NCAPG: variants seen among roughly 807,000 people sequenced by gnomAD.
The protein encoded by NCAPG is condensin complex subunit 3.
A neutral mutation model predicts 113.1 loss-of-function variants in NCAPG; 69 were observed. The observed-to-expected ratio is 0.61, with a 90% CI of 0.50 to 0.75. The LOEUF is 0.75. NCAPG is among the 30% of genes least tolerant of loss of function. The pLI is 0.00. For synonymous variants in NCAPG, 370 were observed against 415.8 expected, an observed-to-expected ratio of 0.89 and a Z score of 1.34; for missense variants, 1,058 against 1,177.0, an observed-to-expected ratio of 0.90 and a Z score of 1.48.
Position 17,837,336 on chromosome 4 carries a change from A to C in NCAPG, c.2287A>C (p.Ser763Arg). Residue 763 changes from serine to arginine, a missense_variant, in exon 15 of 21, where the codon AGC becomes CGC. By Grantham distance (110) the Ser-to-Arg change is moderately radical. Transcript: ENST00000251496. Reference protein sequence around the residue: ...GVFFPVFAYASRTNQECFEEA... With the variant: ...GVFFPVFAYARRTNQECFEEA... ...GTTCTTCCCCGTGTTTGCTTATGCA[A>C]GCAGGTATTGAGTCATACTGATAAA... 1 of 1,612,898 alleles carries C rather than the reference A, an allele frequency of 6.2e-7. No homozygotes were observed. The highest frequency in any genetic ancestry group is 1.1e-5 in the South Asian group (1 of 90,862).
intron 16 of NCAPG, 120 bp downstream of exon 16, chr4:17,837,921 C>T (rs1560232535): frequency 8.1e-6 from 8 of 988,226 alleles, no homozygotes; most frequent in Non-Finnish European, 1.2e-5. Context: ...CAAGCATATA[C>T]CACAAAGCAC....
At chr4:17,814,184 C>T (rs77785367) in intron 3 of NCAPG, among the ~76,000 whole-genome samples, 1,814 of 152,252 alleles carry the variant, frequency 0.012, 100 homozygotes, top group Admixed American at 0.093. Flanking sequence ...TAAGCTTTCT[C>T]TTAAATATTG....
At chr4:17,816,754 T>C (rs1721227699) in intron 5 of NCAPG, among the ~76,000 whole-genome samples, 1 of 152,246 alleles carries the variant, frequency 6.6e-6, no homozygotes. Context: ...CTGTGGTATT[T>C]GGTGCTGAAC....
intron 9 of NCAPG, among the ~76,000 whole-genome samples, chr4:17,824,554 G>T (rs1721582987): frequency 6.6e-6 from 1 of 152,036 alleles, no homozygotes; most frequent in African/African-American, 2.4e-5. Flanking sequence ...TATTATTTAT[G>T]CATTGTCTAC....
intron 11 of NCAPG, among the ~76,000 whole-genome samples, chr4:17,826,903 G>C (rs916848085): frequency 3.9e-5 from 6 of 152,182 alleles, no homozygotes; most frequent in Admixed American, 2.6e-4. Context: ...TCACAAATGT[G>C]AATTCATTCT....
intron 16 of NCAPG, 23 bp downstream of exon 16, chr4:17,837,824 T>C (rs780869973): frequency 2.5e-6 from 4 of 1,612,136 alleles, no homozygotes; most frequent in Non-Finnish European, 2.5e-6. Flanking sequence ...GGTAACTGCA[T>C]GCAGATCACT....
chr4:17,835,797 G>C (rs138738826), intron 14 of NCAPG, among the ~76,000 whole-genome samples: 3 of 152,246 alleles, frequency 2.0e-5, no homozygotes, highest in African/African-American at 7.2e-5. Context: ...TCTTGTATCA[G>C]TACTCCGTTC....
intron 14 of NCAPG, 35 bp from the exon 15 acceptor site, chr4:17,837,124 A>G (rs1219281528): frequency 1.9e-6 from 3 of 1,595,972 alleles, no homozygotes; most frequent in East Asian, 4.5e-5. Flanking sequence ...AGGAGATACA[A>G]ATAAATTTCT....
Position 17,840,080 on chromosome 4 carries a change from G to C in NCAPG, c.2638G>C (p.Asp880His). 6.3e-7 allele frequency: 1 copy of C among 1,599,756 alleles called. No homozygotes were observed. The highest frequency in any genetic ancestry group is 1.8e-5 in the Admixed American group (1 of 56,210). Residue 880 changes from aspartate (D) to histidine (H), a missense_variant, in exon 18 of 21, where the codon GAT becomes CAT. Asp to His is a moderately conservative substitution (Grantham distance 81). Transcript: ENST00000251496. ...LLNEILEQVK[D>H]RTCLRALEKI... ...ATGTTTTCTTTTATAGCAAGTAAAA[G>C]ATAGGACATGTCTGAGAGCTTTGGA...
chr4:17,827,186 G>T (rs750542883), intron 11 of NCAPG, among the ~76,000 whole-genome samples: 1 of 152,230 alleles, frequency 6.6e-6, no homozygotes, highest in African/African-American at 2.4e-5. Context: ...TGTGACTAGA[G>T]AATTGATGGG....
chr4:17,834,756 G>A (rs1043330372), intron 14 of NCAPG, among the ~76,000 whole-genome samples: 2 of 151,856 alleles, frequency 1.3e-5, no homozygotes, highest in African/African-American at 4.8e-5. Flanking sequence ...CCCCTGATAG[G>A]TCCCAGTGTG....
chr4:17,835,937 ATG>A (rs1256562931), intron 14 of NCAPG, among the ~76,000 whole-genome samples: 3 of 152,152 alleles, frequency 2.0e-5, no homozygotes, highest in Admixed American at 6.5e-5. Flanking sequence ...TGAACATGGC[ATG>A]TATATGTATT....
intron 20 of NCAPG, 62 bp downstream of exon 20, chr4:17,842,441 A>G (rs1722503557): frequency 7.4e-7 from 1 of 1,353,536 alleles, no homozygotes; most frequent in Non-Finnish European, 1.1e-6. Flanking sequence ...CTACAAGTAG[A>G]AAAAAACTAA....
intron 7 of NCAPG, among the ~76,000 whole-genome samples, chr4:17,819,623 A>G (rs1721367958): frequency 6.6e-6 from 1 of 152,166 alleles, no homozygotes; most frequent in African/African-American, 2.4e-5. Context: ...GATGGTCTCA[A>G]TCTCTTGACC....
chr4:17,842,627 T>C (rs16895873), intron 20 of NCAPG: 46,789 of 374,408 alleles, frequency 0.12, 3,387 homozygotes, highest in South Asian at 0.22. Flanking sequence ...GTTTCAATTT[T>C]TAATTACATG....
At position 17,818,015 on chromosome 4, in the gene NCAPG, A is replaced by G. The variant is rs1175054727; in HGVS notation, c.1045A>G (p.Lys349Glu). 3 of 1,613,620 alleles carry G rather than the reference A, an allele frequency of 1.9e-6. No individual in the cohort carries two copies. Among genetic ancestry groups the G allele is most frequent in the Admixed American group, 3.3e-5 (2 of 59,956 alleles). Residue 349 changes from lysine to glutamate, a missense_variant, in exon 7 of 21, where the codon AAA (lysine) becomes GAA (glutamate). By Grantham distance (56) the Lys-to-Glu change is moderately conservative. Coordinates refer to ENST00000251496, the MANE Select transcript of NCAPG (RefSeq NM_022346.5). ...TGCCCTTTGTGAATATTTGAAATCAAAAGGAGATGAAGGTGAAGAATTTTT... is the reference window on the plus strand; with the variant it reads ...TGCCCTTTGTGAATATTTGAAATCAGAAGGAGATGAAGGTGAAGAATTTTT... ...WCALCEYLKS[K>E]GDEGEEFLEQ... is the part of the protein sequence containing the mutation.
At chr4:17,818,168 T>C (rs1298242993) in intron 7 of NCAPG, 80 bp downstream of exon 7, 76 of 1,424,168 alleles carry the variant, frequency 5.3e-5, no homozygotes, top group Non-Finnish European at 7.0e-5. Flanking sequence ...CTCAAAGTCA[T>C]GTTTGATTGT....
rs1220844421 is a variant in NCAPG, at chr4:17,840,091, T to C, written c.2649T>C (p.Cys883=). The C allele has an allele frequency of 6.2e-7, 1 of 1,609,200 alleles. No individual in the cohort carries two copies. Among genetic ancestry groups the C allele is most frequent in the Admixed American group, 1.7e-5 (1 of 58,992 alleles). The part of the protein sequence containing the change: ...EILEQVKDRT[C]LRALEKIKIQ... ...TATAGCAAGTAAAAGATAGGACATG[T>C]CTGAGAGCTTTGGAGAAAATCAAGA... is the stretch of plus-strand genomic sequence containing the variant. Residue 883 remains cysteine, a synonymous_variant, in exon 18 of 21, where the codon TGT becomes TGC. Transcript: ENST00000251496.
At chr4:17,838,553 A>G (rs1421268446) in intron 16 of NCAPG, among the ~76,000 whole-genome samples, 2 of 152,172 alleles carry the variant, frequency 1.3e-5, no homozygotes, top group East Asian at 3.9e-4. Context: ...AAACTCATTG[A>G]CCAAAATTCA....
Sources: allele counts gnomAD v4.1 joint callset (sites outside exome capture counted in the v4.1 genomes callset), GRCh38; gene constraint gnomAD v4.1.1; transcripts MANE v1.5; gene names NCBI Gene and HGNC (gene_info 2026-07-23, HGNC 2026-07-21).